The following LY9 variants were observed in gnomAD, a reference collection of about 807,000 sequenced individuals.
LY9 encodes lymphocyte antigen 9.
LY9 carries 59 observed loss-of-function variants against 64.6 expected under a neutral mutation model. The ratio of observed to expected loss-of-function variants is 0.91; its 90% confidence interval spans 0.74 to 1.13. LY9 has a LOEUF of 1.13. LY9 is among the 50% of genes most tolerant of loss of function. LY9 has a pLI of 0.00. For synonymous variants in LY9, 281 were observed against 308.5 expected (o/e 0.91, Z 0.93); for missense variants, 789 against 797.2 (o/e 0.99, Z 0.12).
At position 160,800,040 on chromosome 1, in the gene LY9, T is replaced by G; in HGVS notation, c.412T>G (p.Phe138Val). 6.2e-7 allele frequency: 1 copy of G among 1,614,182 alleles called. No individual in the cohort carries two copies. The highest frequency in any genetic ancestry group is 8.5e-7 in the Non-Finnish European group (1 of 1,180,012). The change falls in exon 2 of 10, where the codon TTT becomes GTT. Residue 138 changes from phenylalanine (F) to valine (V), a missense_variant. Coordinates refer to ENST00000263285, the MANE Select transcript of LY9 (RefSeq NM_002348.4). ...CAAAGCCCAGATAAACCAAAGGAAT[T>G]TTGAAGTCACCACTGAGGAGGAATT... ...SYKAQINQRN[F>V]EVTTEEEFTL...
intron 2 of LY9, among the ~76,000 whole-genome samples, chr1:160,805,781 A>ACT (rs1491040250): frequency 5.1e-5 from 7 of 137,344 alleles, no homozygotes; most frequent in Admixed American, 7.1e-5. Flanking sequence ...ACACACACAC[A>ACT]CTCTTACTCT....
intron 2 of LY9, chr1:160,802,417 C>CTCCCCGAGGAGCTGGGA: frequency 1.0e-6 from 1 of 986,378 alleles, no homozygotes; most frequent in Non-Finnish European, 1.2e-6. Flanking sequence ...TCACCGGCCA[C>CTCCCCGAGGAGCTGGGA]TCCCCGAGGA....
At chr1:160,814,224 T>C (rs1667754848) in intron 3 of LY9, among the ~76,000 whole-genome samples, 196 bp from the exon 4 acceptor site, 1 of 151,554 alleles carries the variant, frequency 6.6e-6, no homozygotes, top group Non-Finnish European at 1.5e-5. Context: ...GACATGAGAG[T>C]CCAAGTATTC....
chr1:160,803,272 A>C (rs540723687), intron 2 of LY9, among the ~76,000 whole-genome samples: 9 of 148,536 alleles, frequency 6.1e-5, no homozygotes, highest in African/African-American at 2.2e-4. Flanking sequence ...ACAAAGTGAA[A>C]ACCGTGTCTA....
Position 160,824,239 on chromosome 1 carries a change from G to A in LY9, c.1889G>A (p.Arg630Gln), listed in dbSNP as rs754736583. 8.1e-6 allele frequency: 13 copies of A among 1,613,978 alleles called. No individual in the cohort carries two copies. Among genetic ancestry groups the A allele is most frequent in the South Asian group, 5.5e-5 (5 of 91,078 alleles). Residue 630 changes from arginine (R) to glutamine (Q), a missense_variant, in exon 9 of 10, where the codon CGG becomes CAG. Physicochemically the swap from Arg to Gln is conservative, Grantham distance 43. Transcript: ENST00000263285. ...TCAGCCACAATCTACTGCTCCATACGGAAACCTCAGGTGGTGAGAACTACA... is the reference window on the plus strand; with the variant it reads ...TCAGCCACAATCTACTGCTCCATACAGAAACCTCAGGTGGTGAGAACTACA... ...ESSATIYCSI[R>Q]KPQVVPPPQQ...
At position 160,823,669 on chromosome 1, in the gene LY9, A is replaced by T. The variant is rs149452658; in HGVS notation, c.1703A>T (p.Gln568Leu). The T allele has an allele frequency of 6.2e-7, 1 of 1,613,992 alleles. No individual in the cohort carries two copies. The highest frequency in any genetic ancestry group is 8.5e-7 in the Non-Finnish European group (1 of 1,179,968). ...TATGAGGTATTTGACCAGGTCACTC[A>T]GGAGGGCGCTGGACATGACCCAGCC... is the stretch of plus-strand genomic sequence containing the variant. ...GRYEVFDQVTQEGAGHDPAPE... is the reference protein window; with the variant it reads ...GRYEVFDQVTLEGAGHDPAPE... Residue 568 changes from glutamine (Q) to leucine (L), a missense_variant, in exon 8 of 10, where the codon CAG becomes CTG. By Grantham distance (113) the Gln-to-Leu change is moderately radical (BLOSUM62 -2). Coordinates refer to ENST00000263285, the MANE Select transcript of LY9 (RefSeq NM_002348.4).
Position 160,818,339 on chromosome 1 carries a change from GTT to G in LY9, c.1444+21_1444+22del. On this transcript the variant is annotated intron_variant, in intron 6 of 9. Coordinates refer to ENST00000263285, the MANE Select transcript of LY9 (RefSeq NM_002348.4). ...GACGGTGTGAGTTTCCGAGATCAAT[GTT>G]GTCCGCCAGTGCTAGGCCATTTCCC... 1 of 1,592,418 alleles carries G rather than the reference GTT, an allele frequency of 6.3e-7. No homozygotes were observed.
intron 8 of LY9, 103 bp from the exon 9 acceptor site, chr1:160,824,078 G>C (rs1668695734): frequency 6.9e-7 from 1 of 1,440,808 alleles, no homozygotes; most frequent in South Asian, 1.2e-5. Flanking sequence ...CCCTGTGTGT[G>C]AGATGGGAAG....
At chr1:160,808,229 A>C (rs1431862277) in intron 2 of LY9, among the ~76,000 whole-genome samples, 4 of 152,174 alleles carry the variant, frequency 2.6e-5, no homozygotes, top group Non-Finnish European at 5.9e-5. Flanking sequence ...CTAGGACCAG[A>C]AACTGCAGCC....
intron 4 of LY9, among the ~76,000 whole-genome samples, chr1:160,816,123 T>A (rs1333873516): frequency 6.6e-6 from 1 of 152,078 alleles, no homozygotes; most frequent in African/African-American, 2.4e-5. Context: ...ATAGAGTCAG[T>A]CTTATTGTTT....
chr1:160,822,022 A>G (rs1462659742), intron 7 of LY9, among the ~76,000 whole-genome samples: 1 of 152,194 alleles, frequency 6.6e-6, no homozygotes, highest in African/African-American at 2.4e-5. Context: ...ATTCATGAAA[A>G]GCATTTAGAA....
chr1:160,823,537 C>T lies in LY9; in HGVS notation c.1571C>T (p.Pro524Leu), dbSNP rs1021219176. ...GAGAAGCTGGACACTCCCCTCAGGC[C>T]TGCCAGGCAACAGCCTACACCCACC... ...GYEKLDTPLRPARQQPTPTSD... is the reference protein window; with the variant it reads ...GYEKLDTPLRLARQQPTPTSD... The change falls in exon 8 of 10, where the codon CCT becomes CTT. Residue 524 changes from proline (P) to leucine (L), a missense_variant. Pro to Leu is a moderately conservative substitution (Grantham distance 98, BLOSUM62 -3). Transcript: ENST00000263285. 3.7e-6 allele frequency: 6 copies of T among 1,614,094 alleles called. No individual in the cohort carries two copies. In the East Asian group the frequency reaches 6.7e-5, roughly 18 times the overall value.
At chr1:160,816,235 A>G (rs1667936186) in intron 4 of LY9, among the ~76,000 whole-genome samples, 1 of 152,200 alleles carries the variant, frequency 6.6e-6, no homozygotes, top group Non-Finnish European at 1.5e-5. Context: ...ATCAGCCTCA[A>G]AGCCAAGCCT....
At chr1:160,805,306 C>A (rs1406542305) in intron 2 of LY9, among the ~76,000 whole-genome samples, 1 of 148,912 alleles carries the variant, frequency 6.7e-6, no homozygotes, top group African/African-American at 2.5e-5. Flanking sequence ...TTTTTTTTTT[C>A]ATTTGTTTCA....
intron 2 of LY9, chr1:160,801,956 TCC>T: frequency 1.2e-6 from 2 of 1,607,504 alleles, no homozygotes; most frequent in Non-Finnish European, 1.7e-6. Flanking sequence ...CGCTCCGCCA[TCC>T]CCACCTCACC....
At chr1:160,823,366 C>T (rs966844506) in intron 7 of LY9, 99 bp from the exon 8 acceptor site, 17 of 819,110 alleles carry the variant, frequency 2.1e-5, no homozygotes, top group East Asian at 5.3e-5. Context: ...CTCTAGGCCT[C>T]ATCTAATGCA....
Position 160,812,390 on chromosome 1 carries a change from G to A in LY9, c.455-1246G>A, listed in dbSNP as rs140308363. On this transcript the variant is annotated intron_variant, in intron 2 of 9. Coordinates refer to ENST00000263285, the MANE Select transcript of LY9 (RefSeq NM_002348.4). Reference sequence around the variant, plus strand: ...GTTAAGACTTCAACATCTAAACTTTGCAGAGACACAGTTTAGCTCATAACA... The same window carrying A: ...GTTAAGACTTCAACATCTAAACTTTACAGAGACACAGTTTAGCTCATAACA... 2.6e-3 allele frequency: 389 copies of A among 152,248 alleles called. 2 individuals are homozygous for A. The highest frequency in any genetic ancestry group is 8.8e-3 in the African/African-American group (365 of 41,536). The allele number at this position is 152,248 out of a possible 1,614,324, so 9.4% of individuals were successfully genotyped here. A position where few individuals can be genotyped will look rare whatever the true frequency, so the allele number is the denominator to read the frequency against.
intron 2 of LY9, 183 bp from the exon 3 acceptor site, chr1:160,813,453 C>A (rs41266931): frequency 3.3e-6 from 2 of 607,104 alleles, no homozygotes; most frequent in South Asian, 2.0e-5. Context: ...ACACCTGTAG[C>A]GGATGTTATG....
At chr1:160,813,274 T>C in intron 2 of LY9, 1 of 254,490 alleles carries the variant, frequency 3.9e-6, no homozygotes, top group Non-Finnish European at 7.6e-6. Flanking sequence ...CGTTTGGGGC[T>C]GGGCCATTCA....
Sources: allele counts gnomAD v4.1 joint callset (sites outside exome capture counted in the v4.1 genomes callset), GRCh38; gene constraint gnomAD v4.1.1; transcripts MANE v1.5; gene names NCBI Gene and HGNC (gene_info 2026-07-23, HGNC 2026-07-21).